DGKH: variants seen among roughly 807,000 people sequenced by gnomAD.
DGKH encodes DAG kinase eta.
A neutral mutation model predicts 159.3 loss-of-function variants in DGKH; 90 were observed. The observed-to-expected ratio is 0.57, with a 90% confidence interval of 0.48 to 0.67. The LOEUF (loss-of-function observed/expected upper bound fraction) is 0.67, where lower values mean the gene tolerates loss of function less well. Among genes scored for constraint, DGKH ranks in the 30% least tolerant of loss-of-function variants. DGKH has a pLI of 0.00. For missense variants in DGKH, 1,181 were observed against 1,506.1 expected (o/e 0.78, Z 3.57); for synonymous variants, 536 against 553.8 (o/e 0.97, Z 0.45).
intron 1 of DGKH, among the ~76,000 whole-genome samples, chr13:42,083,597 G>T (rs1399415230): frequency 1.3e-5 from 2 of 152,206 alleles, no homozygotes; most frequent in Admixed American, 1.3e-4. Flanking sequence ...TATAGCGGAA[G>T]TTTGGATGCG....
rs1023626841 is a variant in DGKH, at chr13:42,209,234, C to G, written c.2716-97C>G. ...TTTATAAGTGATAAAGCATAATAGT[C>G]TATTCTGTAGAATAGTCTAATACTC... is the stretch of plus-strand genomic sequence containing the variant. On this transcript the variant is annotated intron_variant, in intron 22 of 29. Transcript: ENST00000337343. 8.8e-6 allele frequency: 13 copies of G among 1,480,722 alleles called. No homozygotes were observed. In the African/African-American group the frequency reaches 1.3e-4, roughly 14 times the overall value. The allele number at this position is 1,480,722 out of a possible 1,614,324, so 91.7% of individuals were successfully genotyped here.
intron 3 of DGKH, among the ~76,000 whole-genome samples, chr13:42,135,778 A>G (rs1566120061): frequency 6.6e-6 from 1 of 152,170 alleles, no homozygotes; most frequent in Non-Finnish European, 1.5e-5. Flanking sequence ...CACCCTGGGA[A>G]AGGGCTCCCA....
At chr13:42,133,857 T>C (rs958754852) in intron 3 of DGKH, among the ~76,000 whole-genome samples, 1 of 152,208 alleles carries the variant, frequency 6.6e-6, no homozygotes, top group African/African-American at 2.4e-5. Context: ...CAACCAGTAA[T>C]TGACAAACCT....
intron 30 of DGKH, chr13:42,256,185 C>T (rs886984491): frequency 1.5e-5 from 18 of 1,218,294 alleles, no homozygotes; most frequent in Non-Finnish European, 2.1e-5. Flanking sequence ...GTTGCTGTAA[C>T]AGTTGGAGGC....
intron 3 of DGKH, among the ~76,000 whole-genome samples, chr13:42,144,108 A>G (rs1287071939): frequency 6.6e-6 from 1 of 152,202 alleles, no homozygotes; most frequent in Non-Finnish European, 1.5e-5. Flanking sequence ...AAGAGTTTTA[A>G]TATCTTGACA....
intron 1 of DGKH, among the ~76,000 whole-genome samples, chr13:42,108,828 G>T (rs1170185): frequency 0.24 from 35,824 of 150,876 alleles, 4,790 homozygotes; most frequent in African/African-American, 0.36. Flanking sequence ...GGGAGTGGAA[G>T]CTATAATGCA....
chr13:42,165,437 T>C lies in DGKH; in HGVS notation c.958+4T>C. 6.6e-7 allele frequency: 1 copy of C among 1,509,400 alleles called. No individual in the cohort carries two copies. Among genetic ancestry groups the C allele is most frequent in the African/African-American group, 1.4e-5 (1 of 70,874 alleles). 93.5% of individuals were successfully genotyped at this position (1,509,400 alleles called of 1,614,324 possible). ...CTAAACAGCACCGATTCCGATGGTA[T>C]GTAGCAGTAGTGTAAGTACGTATAT... On this transcript the variant is annotated splice_donor_region_variant and intron_variant, in intron 8 of 29. Coordinates refer to ENST00000337343, the MANE Select transcript of DGKH (RefSeq NM_178009.5).
intron 13 of DGKH, among the ~76,000 whole-genome samples, chr13:42,179,967 G>C (rs1455081901): frequency 6.6e-6 from 1 of 152,078 alleles, no homozygotes; most frequent in Non-Finnish European, 1.5e-5. Context: ...ATATATGAAA[G>C]GTAGTGATCA....
At chr13:42,150,159 G>C (rs546504986) in intron 3 of DGKH, among the ~76,000 whole-genome samples, 19 of 152,286 alleles carry the variant, frequency 1.2e-4, no homozygotes, top group African/African-American at 4.6e-4. Flanking sequence ...TAAAAATTAT[G>C]ATAGGAAAAA....
At chr13:42,217,123 T>C (rs1957820208) in intron 26 of DGKH, among the ~76,000 whole-genome samples, 2 of 152,242 alleles carry the variant, frequency 1.3e-5, no homozygotes, top group South Asian at 2.1e-4. Flanking sequence ...GAATTGATTG[T>C]ATTTGAGAGC....
rs918151810 is a variant in DGKH, at chr13:42,230,454, A to G, written c.*1266A>G. The G allele has an allele frequency of 4.6e-5, 7 of 152,150 alleles. No individual in the cohort carries two copies. The South Asian group carries it at 8.3e-4, about 18-fold the overall frequency. 9.4% of individuals were successfully genotyped at this position (152,150 alleles called of 1,614,324 possible). On this transcript the variant is annotated 3_prime_UTR_variant, in exon 30 of 30. Transcript: ENST00000337343. Reference sequence around the variant, plus strand: ...CTTATTATTAGAAGTCAACATTACAATGATCAAATCTTTGAAAGCCAAAGG... The same window carrying G: ...CTTATTATTAGAAGTCAACATTACAGTGATCAAATCTTTGAAAGCCAAAGG...
At chr13:42,209,556 T>C in intron 23 of DGKH, 91 bp downstream of exon 23, 1 of 1,348,340 alleles carries the variant, frequency 7.4e-7, no homozygotes, top group Non-Finnish European at 9.8e-7. Flanking sequence ...AACATTTAAA[T>C]TGTCTCTTAA....
At chr13:42,129,671 T>C (rs1337240379) in intron 3 of DGKH, 39 bp downstream of exon 3, 6 of 1,565,888 alleles carry the variant, frequency 3.8e-6, no homozygotes, top group East Asian at 2.3e-5. Context: ...TCAAAAGTTA[T>C]AGAATGACCT....
chr13:42,187,376 C>T (rs117562851), intron 14 of DGKH, among the ~76,000 whole-genome samples: 244 of 152,108 alleles, frequency 1.6e-3, no homozygotes, highest in Admixed American at 2.8e-3. Context: ...ATCCCTGTCC[C>T]AGTGATTGAT....
In DGKH at chr13:42,187,043, T is replaced by G. The variant is rs1224161854; in HGVS notation, c.1539-6T>G. 6.2e-7 allele frequency: 1 copy of G among 1,612,820 alleles called. No individual in the cohort carries two copies. The highest frequency in any genetic ancestry group is 2.2e-5 in the East Asian group (1 of 44,856). The stretch of plus-strand genomic sequence containing the variant: ...TACTAAATTGTACAACTTCTTTTCC[T>G]CAAAGGACGCTATGTGAAACTGTAA... On this transcript the variant is annotated splice_polypyrimidine_tract_variant and splice_region_variant and intron_variant, in intron 13 of 29. Transcript: ENST00000337343.
chr13:42,178,309 T>C (rs1230152711), intron 13 of DGKH, 89 bp downstream of exon 13: 1 of 1,011,300 alleles, frequency 9.9e-7, no homozygotes, highest in African/African-American at 1.6e-5. Flanking sequence ...GTGAGTTTTC[T>C]TCTCAAAAAA....
intron 26 of DGKH, among the ~76,000 whole-genome samples, chr13:42,218,712 T>C (rs1033416014): frequency 3.9e-5 from 6 of 152,120 alleles, no homozygotes; most frequent in Non-Finnish European, 7.4e-5. Flanking sequence ...TTTCATCATG[T>C]TGGCCAGTCT....
downstream of DGKH, among the ~76,000 whole-genome samples, chr13:42,247,849 T>G (rs1052892872): frequency 6.6e-6 from 1 of 152,086 alleles, no homozygotes; most frequent in East Asian, 1.9e-4. Flanking sequence ...ATTAAGGATA[T>G]AAAGAAAAAG....
At chr13:42,121,798 A>G (rs1363768593) in intron 1 of DGKH, among the ~76,000 whole-genome samples, 1 of 152,202 alleles carries the variant, frequency 6.6e-6, no homozygotes, top group Non-Finnish European at 1.5e-5. Flanking sequence ...ATGTACTCCT[A>G]GTTCTAACTT....
Sources: allele counts gnomAD v4.1 joint callset (sites outside exome capture counted in the v4.1 genomes callset), GRCh38; gene constraint gnomAD v4.1.1; transcripts MANE v1.5; gene names NCBI Gene and HGNC (gene_info 2026-07-23, HGNC 2026-07-21).